Variants in CNTN4 observed in about 807,000 individuals in gnomAD.
CNTN4 encodes contactin 4.
In CNTN4, 77 loss-of-function variants were observed where a neutral mutation model predicts 122.5. The observed-to-expected ratio is 0.63, with a 90% CI of 0.52 to 0.76. The LOEUF is 0.76. Ranked by LOEUF, CNTN4 falls within the 30% of genes least tolerant of loss-of-function variation. The probability of loss-of-function intolerance (pLI) is 0.00; values close to 1 mark genes in which losing one functional copy is unlikely to be tolerated. For synonymous variants in CNTN4, 512 were observed against 447.0 expected, an observed-to-expected ratio of 1.15 and a Z score of -1.83; for missense variants, 1,256 against 1,259.1, an observed-to-expected ratio of 1.00 and a Z score of 0.04.
chr3:2,972,435 T>C (rs1035720778), intron 13 of CNTN4, among the ~76,000 whole-genome samples: 2 of 152,128 alleles, frequency 1.3e-5, no homozygotes, highest in Non-Finnish European at 2.9e-5. Context: ...ATCTGAAATA[T>C]TGAACACTTC....
At chr3:3,052,408 C>G (rs1701356637) in intron 23 of CNTN4, among the ~76,000 whole-genome samples, 1 of 152,142 alleles carries the variant, frequency 6.6e-6, no homozygotes, top group Non-Finnish European at 1.5e-5. Context: ...GCTCCCCTGC[C>G]CCTCCCACCC....
rs765045727 is a variant in CNTN4, at chr3:2,369,176, A to G, written c.-89+29943A>G. On this transcript the variant is annotated intron_variant, in intron 3 of 24. Transcript: ENST00000418658. Reference sequence around the variant, plus strand: ...CTGACCTCGTGATCTGCTCACCTCAACCTCCCAAAGTGCTGGGATTACAGG... The same window carrying G: ...CTGACCTCGTGATCTGCTCACCTCAGCCTCCCAAAGTGCTGGGATTACAGG... 4.6e-5 allele frequency among the ~76,000 whole-genome samples: 7 copies of G among 151,740 alleles called. 1 individual carries two copies. The highest frequency in any genetic ancestry group is 4.2e-4 in the South Asian group (2 of 4,790).
chr3:3,026,304 C>T (rs1698711422), intron 15 of CNTN4, 27 bp downstream of exon 15: 1 of 1,596,312 alleles, frequency 6.3e-7, no homozygotes, highest in East Asian at 2.2e-5. Context: ...AAAACTGACT[C>T]AAACTAACTT....
At chr3:2,169,687 G>A (rs892712368) in intron 2 of CNTN4, among the ~76,000 whole-genome samples, 3 of 152,070 alleles carry the variant, frequency 2.0e-5, no homozygotes, top group Admixed American at 6.5e-5. Context: ...GTGAGCCACC[G>A]CGCCCGGCCT....
intron 3 of CNTN4, among the ~76,000 whole-genome samples, chr3:2,349,501 G>C (rs1002239065): frequency 6.6e-6 from 1 of 152,074 alleles, no homozygotes; most frequent in Non-Finnish European, 1.5e-5. Flanking sequence ...AGTGGTCTCA[G>C]AATCAGACTC....
At chr3:2,399,268 A>C (rs1265314565) in intron 3 of CNTN4, among the ~76,000 whole-genome samples, 1 of 151,766 alleles carries the variant, frequency 6.6e-6, no homozygotes, top group Admixed American at 6.6e-5. Context: ...CATAGTAAGC[A>C]TGTTCAGCTT....
chr3:3,028,362 G>A (rs1237032470), intron 15 of CNTN4, among the ~76,000 whole-genome samples: 2 of 152,086 alleles, frequency 1.3e-5, no homozygotes, highest in Admixed American at 1.3e-4. Context: ...GAAAGAGAAA[G>A]TTATTGTGGT....
intron 7 of CNTN4, among the ~76,000 whole-genome samples, chr3:2,821,929 C>CA (rs2150280973): frequency 6.6e-6 from 1 of 152,256 alleles, no homozygotes; most frequent in South Asian, 2.1e-4. Flanking sequence ...GTCCTCTGTT[C>CA]AAAAGTTGTA....
At chr3:2,595,651 A>C (rs1239446151) in intron 4 of CNTN4, among the ~76,000 whole-genome samples, 2 of 152,058 alleles carry the variant, frequency 1.3e-5, no homozygotes, top group Non-Finnish European at 2.9e-5. Context: ...TGGAGGTGGA[A>C]GCCCCTGGTT....
At chr3:2,805,299 C>G (rs2092440713) in intron 6 of CNTN4, among the ~76,000 whole-genome samples, 1 of 152,108 alleles carries the variant, frequency 6.6e-6, no homozygotes, top group Non-Finnish European at 1.5e-5. Flanking sequence ...TGTAAAGTTT[C>G]TTGTGATAGA....
intron 2 of CNTN4, among the ~76,000 whole-genome samples, chr3:2,332,545 A>G (rs2043775655): frequency 6.6e-6 from 1 of 152,024 alleles, no homozygotes; most frequent in Non-Finnish European, 1.5e-5. Flanking sequence ...TCTGAGTAGT[A>G]TTAGGTGAGA....
intron 6 of CNTN4, among the ~76,000 whole-genome samples, chr3:2,767,369 G>A (rs1185261136): frequency 6.6e-6 from 1 of 152,126 alleles, no homozygotes; most frequent in African/African-American, 2.4e-5. Context: ...ACATGCTTGA[G>A]TAACAGCTCT....
At chr3:2,795,006 G>GCACC (rs2092126641) in intron 6 of CNTN4, among the ~76,000 whole-genome samples, 1 of 152,098 alleles carries the variant, frequency 6.6e-6, no homozygotes, top group Non-Finnish European at 1.5e-5. Context: ...AGAATTTGAG[G>GCACC]GGTGGGGTGG....
chr3:2,698,782 C>G (rs1228530075), intron 4 of CNTN4, among the ~76,000 whole-genome samples: 5 of 152,162 alleles, frequency 3.3e-5, no homozygotes, highest in Non-Finnish European at 5.9e-5. Context: ...CTTTGGGAGG[C>G]CAAGGCGGGC....
In CNTN4 at chr3:2,709,593, A is replaced by T. The variant is rs557943563; in HGVS notation, c.56-26622A>T. Among the ~76,000 whole-genome samples, 2 of 152,330 alleles carry T rather than the reference A, an allele frequency of 1.3e-5. No homozygotes were observed. Among genetic ancestry groups the T allele is most frequent in the South Asian group, 4.1e-4 (2 of 4,826 alleles). ...AAAATGAACAATTTCACATATTGAAAAATGTTTTTAATAATTAATCATTTA... is the reference window on the plus strand; with the variant it reads ...AAAATGAACAATTTCACATATTGAATAATGTTTTTAATAATTAATCATTTA... On this transcript the variant is annotated intron_variant, in intron 4 of 24. Coordinates refer to ENST00000418658, the MANE Select transcript of CNTN4 (RefSeq NM_175607.3). This position sits in a 1 kb window ranked among gnomAD's most constrained non-coding sequence, Gnocchi z 5.0.
chr3:2,770,081 G>C (rs1057266663), intron 6 of CNTN4, among the ~76,000 whole-genome samples: 9 of 150,628 alleles, frequency 6.0e-5, no homozygotes, highest in Admixed American at 3.3e-4. Flanking sequence ...CCAAGCTGGA[G>C]TGCAATGGCG....
At chr3:2,247,664 A>G (rs2149659640) in intron 2 of CNTN4, among the ~76,000 whole-genome samples, 1 of 152,100 alleles carries the variant, frequency 6.6e-6, no homozygotes, top group African/African-American at 2.4e-5. Flanking sequence ...TATGGGGCAA[A>G]TGATTATAAG....
At chr3:3,055,269 G>A (rs199811865) in intron 24 of CNTN4, among the ~76,000 whole-genome samples, 3 of 108,338 alleles carry the variant, frequency 2.8e-5, no homozygotes, top group African/African-American at 6.5e-5. Context: ...GGCTTATCTC[G>A]CTTCATTAAA....
chr3:2,419,476 G>A (rs747293454), intron 3 of CNTN4, among the ~76,000 whole-genome samples: 6 of 152,114 alleles, frequency 3.9e-5, no homozygotes, highest in East Asian at 1.9e-4. Context: ...ACTGATACCC[G>A]TAAGTCCATT....
Sources: allele counts gnomAD v4.1 joint callset (sites outside exome capture counted in the v4.1 genomes callset), GRCh38; gene constraint gnomAD v4.1.1; non-coding constraint Gnocchi (gnomAD v3.1); transcripts MANE v1.5; gene names NCBI Gene and HGNC (gene_info 2026-07-23, HGNC 2026-07-21).